Variants in ADAMTS18 observed in about 807,000 individuals in gnomAD.
ADAMTS18 encodes A disintegrin and metalloproteinase with thrombospondin motifs 18.
In ADAMTS18, 157 loss-of-function variants were observed where a neutral mutation model predicts 165.9. That is an observed-to-expected ratio of 0.95 (90% confidence interval 0.83 to 1.08). The LOEUF is 1.08. ADAMTS18 is among the 50% of genes least tolerant of loss of function. ADAMTS18 has a pLI of 0.00. For missense variants in ADAMTS18, 2,040 were observed against 1,534.0 expected (o/e 1.33, Z -5.51); for synonymous variants, 782 against 578.2 (o/e 1.35, Z -5.06).
intron 11 of ADAMTS18, among the ~76,000 whole-genome samples, chr16:77,337,810 G>GGTCTGT (rs2056333022): frequency 1.3e-5 from 2 of 151,958 alleles, no homozygotes; most frequent in Admixed American, 6.5e-5. Flanking sequence ...TGTACACACA[G>GGTCTGT]ACCTGCACAC....
chr16:77,342,353 C>A (rs948671288), intron 10 of ADAMTS18, among the ~76,000 whole-genome samples: 1 of 152,194 alleles, frequency 6.6e-6, no homozygotes, highest in Non-Finnish European at 1.5e-5. Context: ...TACTGCCTAT[C>A]ATTACTACCT....
intron 11 of ADAMTS18, among the ~76,000 whole-genome samples, chr16:77,337,403 C>T (rs888520430): frequency 2.6e-5 from 4 of 152,202 alleles, no homozygotes; most frequent in South Asian, 2.1e-4. Flanking sequence ...CATGCAGTAT[C>T]TCATCTAATC....
At chr16:77,298,921 G>C (rs1241277389) in intron 17 of ADAMTS18, among the ~76,000 whole-genome samples, 1 of 152,214 alleles carries the variant, frequency 6.6e-6, no homozygotes, top group African/African-American at 2.4e-5. Context: ...CATGCGAAGG[G>C]GTTGCTAAGG....
intron 13 of ADAMTS18, 62 bp from the exon 14 acceptor site, chr16:77,322,528 TTG>T: frequency 1.3e-6 from 2 of 1,578,964 alleles, no homozygotes; most frequent in Admixed American, 3.3e-5. Flanking sequence ...AATGATAGGA[TTG>T]TCAAAAGAAT....
intron 16 of ADAMTS18, among the ~76,000 whole-genome samples, chr16:77,304,515 T>C (rs2144602176): frequency 6.6e-6 from 1 of 152,304 alleles, no homozygotes; most frequent in East Asian, 1.9e-4. Context: ...TATTCCCCCC[T>C]CTGAAAAAGA....
chr16:77,419,672 G>C (rs986220759), intron 3 of ADAMTS18, among the ~76,000 whole-genome samples: 3 of 152,152 alleles, frequency 2.0e-5, no homozygotes, highest in African/African-American at 7.2e-5. Flanking sequence ...CTTGGAGAAA[G>C]TGTCGGTACA....
At chr16:77,325,230 G>A in intron 13 of ADAMTS18, among the ~76,000 whole-genome samples, 1 of 152,138 alleles carries the variant, frequency 6.6e-6, no homozygotes, top group East Asian at 1.9e-4. Flanking sequence ...GAAACAACTA[G>A]GATGATGACA....
intron 19 of ADAMTS18, among the ~76,000 whole-genome samples, chr16:77,293,792 A>G (rs771289346): frequency 6.7e-6 from 1 of 149,254 alleles, no homozygotes; most frequent in African/African-American, 2.5e-5. Flanking sequence ...GCAGTTCACA[A>G]CAGGGTTCAA....
chr16:77,305,155 G>T (rs2055659506), intron 16 of ADAMTS18, among the ~76,000 whole-genome samples: 1 of 152,134 alleles, frequency 6.6e-6, no homozygotes, highest in Non-Finnish European at 1.5e-5. Context: ...TGTGCCAATT[G>T]TAGCATATTA....
At chr16:77,401,830 A>C (rs974779450) in intron 3 of ADAMTS18, among the ~76,000 whole-genome samples, 1 of 152,170 alleles carries the variant, frequency 6.6e-6, no homozygotes, top group Non-Finnish European at 1.5e-5. Flanking sequence ...TTTCTTGAGC[A>C]AGGATATCCA....
At chr16:77,405,062 G>C (rs114639249) in intron 3 of ADAMTS18, among the ~76,000 whole-genome samples, 1 of 152,116 alleles carries the variant, frequency 6.6e-6, no homozygotes, top group Non-Finnish European at 1.5e-5. Context: ...GAGTGATTTT[G>C]GGCAGATCAG....
At chr16:77,387,610 T>A (rs1374371373) in intron 3 of ADAMTS18, among the ~76,000 whole-genome samples, 3 of 152,214 alleles carry the variant, frequency 2.0e-5, no homozygotes, top group Non-Finnish European at 4.4e-5. Flanking sequence ...CTGCCATGTC[T>A]TTCTTGTAAT....
rs1171742219 is a variant in ADAMTS18, at chr16:77,325,896, A to G, written c.2002T>C (p.Tyr668His). 6.2e-7 allele frequency: 1 copy of G among 1,614,088 alleles called. No homozygotes were observed. Among genetic ancestry groups the G allele is most frequent in the South Asian group, 1.1e-5 (1 of 91,062 alleles). The change falls in exon 13 of 23, where the codon TAC becomes CAC. Residue 668 changes from tyrosine to histidine, a missense_variant. Physicochemically the swap from Tyr to His is moderately conservative, Grantham distance 83. Transcript: ENST00000282849. ...YNSKPFRGWF[Y>H]QWKPYTKVEE... is the part of the protein sequence containing the mutation. Reference sequence around the variant, plus strand: ...ACTTTTGTATAGGGTTTCCACTGGTAGAACCATCCACGGAAAGGTTTGCTG... The same window carrying G: ...ACTTTTGTATAGGGTTTCCACTGGTGGAACCATCCACGGAAAGGTTTGCTG...
chr16:77,410,589 C>G (rs550556061), intron 3 of ADAMTS18, among the ~76,000 whole-genome samples: 8 of 152,242 alleles, frequency 5.3e-5, no homozygotes, highest in Non-Finnish European at 1.0e-4. Context: ...ATAATTTGCA[C>G]AAGAACACAA....
rs2055436415 is a variant in ADAMTS18, at chr16:77,294,907, A to T, written c.3006+16T>A. On this transcript the variant is annotated intron_variant, in intron 19 of 22. Coordinates refer to ENST00000282849, the MANE Select transcript of ADAMTS18 (RefSeq NM_199355.4). ...TGGGGACCGAGAATAGTAACTCCCA[A>T]GTTTTCTCCTGTTACCTGAGACCAG... 6.2e-7 allele frequency: 1 copy of T among 1,613,554 alleles called. No homozygotes were observed. The highest frequency in any genetic ancestry group is 8.5e-7 in the Non-Finnish European group (1 of 1,179,748).
At chr16:77,428,270 C>T (rs2057698289) in intron 3 of ADAMTS18, among the ~76,000 whole-genome samples, 1 of 152,148 alleles carries the variant, frequency 6.6e-6, no homozygotes, top group Admixed American at 6.5e-5. Flanking sequence ...CTCCAACAAG[C>T]CTGTTAAAGG....
chr16:77,348,020 T>G (rs2056502736), intron 10 of ADAMTS18, among the ~76,000 whole-genome samples: 1 of 152,150 alleles, frequency 6.6e-6, no homozygotes, highest in South Asian at 2.1e-4. Context: ...TATTAGTTAT[T>G]ATTATAGGAT....
At chr16:77,407,649 C>A (rs1412414428) in intron 3 of ADAMTS18, among the ~76,000 whole-genome samples, 1 of 151,996 alleles carries the variant, frequency 6.6e-6, no homozygotes, top group African/African-American at 2.4e-5. Flanking sequence ...AACACATACA[C>A]AATCACCTAT....
At chr16:77,394,635 A>C (rs76283904) in intron 3 of ADAMTS18, among the ~76,000 whole-genome samples, 1 of 152,338 alleles carries the variant, frequency 6.6e-6, no homozygotes, top group African/African-American at 2.4e-5. Context: ...GTGCATTTGA[A>C]ATTACTTTTT....
Sources: allele counts gnomAD v4.1 joint callset (sites outside exome capture counted in the v4.1 genomes callset), GRCh38; gene constraint gnomAD v4.1.1; transcripts MANE v1.5; gene names NCBI Gene and HGNC (gene_info 2026-07-23, HGNC 2026-07-21).